Variants in PTPRS observed in about 807,000 individuals in gnomAD.
The protein encoded by PTPRS is protein tyrosine phosphatase receptor type S.
A neutral mutation model predicts 215.3 loss-of-function variants in PTPRS; 63 were observed. That is an observed-to-expected ratio of 0.29 (90% CI 0.24 to 0.36). The LOEUF (loss-of-function observed/expected upper bound fraction) is 0.36, where lower values mean the gene tolerates loss of function less well. PTPRS is among the 10% of genes least tolerant of loss of function. The pLI is 1.00. For missense variants in PTPRS, 2,258 were observed against 2,825.8 expected, an observed-to-expected ratio of 0.80 and a Z score of 4.56; for synonymous variants, 1,404 against 1,191.4, an observed-to-expected ratio of 1.18 and a Z score of -3.68.
At chr19:5,240,134 G>C in intron 12 of PTPRS, 65 bp downstream of exon 12, 1 of 1,425,994 alleles carries the variant, frequency 7.0e-7, no homozygotes, top group Non-Finnish European at 9.2e-7. Context: ...GAGACAAGGC[G>C]GGCAGCGTCA....
intron 1 of PTPRS, among the ~76,000 whole-genome samples, chr19:5,304,288 A>G (rs2049404583): frequency 1.3e-5 from 2 of 151,904 alleles, no homozygotes; most frequent in African/African-American, 2.4e-5. Context: ...ACATGGTGAA[A>G]CCTCCATCTC....
intron 13 of PTPRS, among the ~76,000 whole-genome samples, chr19:5,232,018 T>C (rs1244362745): frequency 2.0e-5 from 3 of 152,146 alleles, no homozygotes; most frequent in East Asian, 3.9e-4. Context: ...AGGAGCTCCA[T>C]TTATTAGGCA....
intron 1 of PTPRS, among the ~76,000 whole-genome samples, chr19:5,329,622 G>A (rs540850114): frequency 6.6e-5 from 10 of 152,074 alleles, no homozygotes; most frequent in African/African-American, 1.2e-4. Flanking sequence ...AAAATTAGCC[G>A]GGTGTAATAG....
chr19:5,277,694 C>G, intron 2 of PTPRS: 1 of 551,308 alleles, frequency 1.8e-6, no homozygotes, highest in Non-Finnish European at 3.3e-6. Flanking sequence ...CCTTCCTCGG[C>G]GCTGCCTAAG....
chr19:5,277,840 G>C (rs1271203040), intron 2 of PTPRS: 2 of 807,072 alleles, frequency 2.5e-6, no homozygotes, highest in Non-Finnish European at 4.3e-6. Context: ...CGTTAACTGG[G>C]GGAAACCCAG....
chr19:5,298,683 C>T (rs965248932), intron 1 of PTPRS, among the ~76,000 whole-genome samples: 15 of 152,354 alleles, frequency 9.8e-5, no homozygotes, highest in East Asian at 3.9e-4. Flanking sequence ...CCAGCCGCAC[C>T]GCAGCGGGCA....
intron 26 of PTPRS, among the ~76,000 whole-genome samples, chr19:5,216,455 T>C (rs1003471544): frequency 6.6e-6 from 1 of 152,130 alleles, no homozygotes; most frequent in Non-Finnish European, 1.5e-5. Context: ...CTGCCTGTCC[T>C]GTGGGCACGT....
chr19:5,285,683 C>T (rs950010388), intron 2 of PTPRS, among the ~76,000 whole-genome samples: 1 of 152,184 alleles, frequency 6.6e-6, no homozygotes. Flanking sequence ...CGTTTTCCCT[C>T]ATTGGGAAAC....
intron 13 of PTPRS, among the ~76,000 whole-genome samples, chr19:5,232,010 G>A (rs952709837): frequency 1.3e-5 from 2 of 151,762 alleles, no homozygotes; most frequent in East Asian, 3.9e-4. Flanking sequence ...ATAGCAACAG[G>A]AGCTCCATTT....
chr19:5,325,945 A>G (rs530534460), intron 1 of PTPRS, among the ~76,000 whole-genome samples: 1 of 152,214 alleles, frequency 6.6e-6, no homozygotes, highest in Non-Finnish European at 1.5e-5. Flanking sequence ...ATTCAATAAC[A>G]CTGGGACAGG....
intron 12 of PTPRS, 37 bp from the exon 13 acceptor site, chr19:5,239,100 GGAGA>G (rs149487300): frequency 4.4e-5 from 67 of 1,506,536 alleles, no homozygotes; most frequent in Admixed American, 7.2e-5. Flanking sequence ...GAGGGATGGG[GGAGA>G]GAGAGAGAGA....
chr19:5,283,563 G>A (rs2048060476), intron 2 of PTPRS, among the ~76,000 whole-genome samples: 1 of 151,834 alleles, frequency 6.6e-6, no homozygotes, highest in Admixed American at 6.6e-5. Flanking sequence ...GGAGACAGAA[G>A]GAGACTCCGT....
At chr19:5,266,152 G>A (rs780703118) in intron 4 of PTPRS, among the ~76,000 whole-genome samples, 40 of 151,942 alleles carry the variant, frequency 2.6e-4, no homozygotes, top group Non-Finnish European at 4.7e-4. Flanking sequence ...CCAGCTACCC[G>A]GGAGACTGAG....
rs568501352 is a variant in PTPRS, at chr19:5,208,123, C to T, written c.5643-66G>A. On this transcript the variant is annotated intron_variant, in intron 36 of 37. Coordinates refer to ENST00000262963, the MANE Select transcript of PTPRS (RefSeq NM_002850.4). ...GCTGGGGAGCCCTGATCTGACCACC[C>T]GATTCCCCGAGGACTCTAACAGCCC... 65 of 1,581,230 alleles carry T rather than the reference C, an allele frequency of 4.1e-5. No individual in the cohort carries two copies. The African/African-American group carries it at 7.8e-4, about 19-fold the overall frequency.
At chr19:5,240,642 A>G (rs1218150162) in intron 11 of PTPRS, among the ~76,000 whole-genome samples, 1 of 151,760 alleles carries the variant, frequency 6.6e-6, no homozygotes, top group Non-Finnish European at 1.5e-5. Flanking sequence ...GATCGAGACC[A>G]TCCTGGCTAA....
At position 5,229,688 on chromosome 19, in the gene PTPRS, G is replaced by T; in HGVS notation, c.2156-4C>A. ...TTCCGCGGCGGCGCGCTGGGCACTG[G>T]CGGGCGGGAGGGGAGGGGAGGGGCG... On this transcript the variant is annotated splice_polypyrimidine_tract_variant and splice_region_variant and intron_variant, in intron 14 of 37. Coordinates refer to ENST00000262963, the MANE Select transcript of PTPRS (RefSeq NM_002850.4). 7.9e-7 allele frequency: 1 copy of T among 1,259,092 alleles called. No homozygotes were observed. The highest frequency in any genetic ancestry group is 9.9e-7 in the Non-Finnish European group (1 of 1,005,090). The allele number at this position is 1,259,092 out of a possible 1,614,324, so 78.0% of individuals were successfully genotyped here.
chr19:5,258,952 T>C (rs2045778154), intron 7 of PTPRS, among the ~76,000 whole-genome samples: 1 of 152,162 alleles, frequency 6.6e-6, no homozygotes, highest in Admixed American at 6.5e-5. Flanking sequence ...TGCTCACGAG[T>C]AACTGAATGG....
chr19:5,273,698 G>A, intron 3 of PTPRS, 115 bp from the exon 4 acceptor site: 1 of 1,281,764 alleles, frequency 7.8e-7, no homozygotes, highest in South Asian at 1.4e-5. Context: ...ATGATCCTGG[G>A]GGTGACTGGG....
intron 17 of PTPRS, 49 bp downstream of exon 17, chr19:5,225,678 G>A (rs1390972346): frequency 6.7e-7 from 1 of 1,496,762 alleles, no homozygotes; most frequent in Non-Finnish European, 9.3e-7. Flanking sequence ...TCTGGTGCCA[G>A]TGGGGGCAAA....
Sources: gnomAD v4.1 joint callset for allele counts (sites outside exome capture counted in the v4.1 genomes callset) on GRCh38, gnomAD v4.1.1 for gene constraint, MANE v1.5 for transcripts, NCBI Gene and HGNC (gene_info 2026-07-23, HGNC 2026-07-21) for gene names.